The following TOP1 variants were observed in gnomAD, a reference collection of about 807,000 sequenced individuals.
TOP1 encodes DNA topoisomerase 1.
In TOP1, 10 loss-of-function variants were observed where a neutral mutation model predicts 111.1. That is an observed-to-expected ratio of 0.09 (90% CI 0.06 to 0.15). The LOEUF (loss-of-function observed/expected upper bound fraction) is 0.15, where lower values mean the gene tolerates loss of function less well. TOP1 is among the 10% of genes least tolerant of loss of function. TOP1 has a pLI of 1.00. For missense variants in TOP1, 474 were observed against 926.7 expected (o/e 0.51, Z 6.34); for synonymous variants, 271 against 302.9 (o/e 0.89, Z 1.10).
chr20:41,062,031 A>G (rs1182402020), intron 3 of TOP1, among the ~76,000 whole-genome samples: 2 of 152,340 alleles, frequency 1.3e-5, no homozygotes, highest in African/African-American at 4.8e-5. Context: ...AATCACCAAT[A>G]TGAATGAAAC....
intron 8 of TOP1, among the ~76,000 whole-genome samples, chr20:41,086,653 A>C (rs973963411): frequency 6.6e-6 from 1 of 152,204 alleles, no homozygotes; most frequent in Non-Finnish European, 1.5e-5. Context: ...TTTGTGGTTG[A>C]AATCCTTATC....
chr20:41,097,561 G>A lies in TOP1; in HGVS notation c.852+220G>A, dbSNP rs1416773799. On this transcript the variant is annotated intron_variant, in intron 10 of 20. Coordinates refer to ENST00000361337, the MANE Select transcript of TOP1 (RefSeq NM_003286.4). The surrounding 1 kb of genome is among the most constrained non-coding windows in gnomAD (Gnocchi z 4.2). ...TCTTTGCTATTGGCTCTCATGTGAT[G>A]GCAGGTAGGTGGGGGTTATCAGATT... Among the ~76,000 whole-genome samples the A allele has an allele frequency of 6.6e-6, 1 of 152,158 alleles. No individual in the cohort carries two copies. The highest frequency in any genetic ancestry group is 1.5e-5 in the Non-Finnish European group (1 of 68,026).
intron 2 of TOP1, among the ~76,000 whole-genome samples, chr20:41,051,385 C>A (rs986953751): frequency 6.6e-6 from 1 of 152,150 alleles, no homozygotes; most frequent in Non-Finnish European, 1.5e-5. Flanking sequence ...GACTCTTCTT[C>A]CTGCCCTGAT....
Position 41,118,918 on chromosome 20 carries a change from C to T in TOP1, c.1950+622C>T, listed in dbSNP as rs1375720146. ...CCTCCTAACTCCGCCTGGTACTGAG[C>T]TTTTAAACCATAAGGCACTTAACAT... On this transcript the variant is annotated intron_variant, in intron 18 of 20. Transcript: ENST00000361337. This position sits in a 1 kb window ranked among gnomAD's most constrained non-coding sequence, Gnocchi z 4.6. Among the ~76,000 whole-genome samples the T allele has an allele frequency of 6.6e-6, 1 of 152,172 alleles. No homozygotes were observed. Among genetic ancestry groups the T allele is most frequent in the Non-Finnish European group, 1.5e-5 (1 of 68,040 alleles).
rs745314633 is a variant in TOP1 at position 41,069,659 on chromosome 20, G to A, written c.156-6512G>A. On this transcript the variant is annotated intron_variant, in intron 3 of 20. Coordinates refer to ENST00000361337, the MANE Select transcript of TOP1 (RefSeq NM_003286.4). The surrounding 1 kb of genome is among the most constrained non-coding windows in gnomAD (Gnocchi z 4.1). ...AATGATGGTGATGATGATAATTACC[G>A]CAAAGCCTAGTATAATATCATGCAG... 3.3e-5 allele frequency among the ~76,000 whole-genome samples: 5 copies of A among 152,268 alleles called. No individual in the cohort carries two copies. The highest frequency in any genetic ancestry group is 3.4e-3 in the Middle Eastern group (1 of 294).
rs184112039 is a variant in TOP1 at position 41,070,123 on chromosome 20, A to G, written c.156-6048A>G. Among the ~76,000 whole-genome samples, 24 of 152,356 alleles carry G rather than the reference A, an allele frequency of 1.6e-4. 1 individual carries two copies. Among genetic ancestry groups the G allele is most frequent in the Admixed American group, 9.8e-4 (15 of 15,302 alleles). On this transcript the variant is annotated intron_variant, in intron 3 of 20. Coordinates refer to ENST00000361337, the MANE Select transcript of TOP1 (RefSeq NM_003286.4). ...TCTGAGCTGAGCAAGAAGCCACTGGAAATACTTGAGCAAAGTGGATATAAG... is the reference window on the plus strand; with the variant it reads ...TCTGAGCTGAGCAAGAAGCCACTGGGAATACTTGAGCAAAGTGGATATAAG...
At chr20:41,074,537 A>G (rs940515573) in intron 3 of TOP1, among the ~76,000 whole-genome samples, 1 of 151,304 alleles carries the variant, frequency 6.6e-6, no homozygotes, top group Non-Finnish European at 1.5e-5. Context: ...TTCCTAACCT[A>G]TAGTGTGTCC....
At chr20:41,039,573 T>C (rs2033234271) in intron 2 of TOP1, among the ~76,000 whole-genome samples, 2 of 152,332 alleles carry the variant, frequency 1.3e-5, no homozygotes, top group South Asian at 4.1e-4. Flanking sequence ...TTTCCTGTTA[T>C]CTTTTTGTAT....
In TOP1 at chr20:41,064,278, T is replaced by G. The variant is rs2033580935; in HGVS notation, c.155+2788T>G. Among the ~76,000 whole-genome samples the G allele has an allele frequency of 2.6e-5, 4 of 152,322 alleles. No homozygotes were observed. In the South Asian group the frequency reaches 8.3e-4, roughly 32 times the overall value. ...CTGTTCCATTTGGTCTATGTGTCTG[T>G]TTTTGTACCATTACCATGCTGTTAG... On this transcript the variant is annotated intron_variant, in intron 3 of 20. Transcript: ENST00000361337.
rs560395903 is a variant in TOP1 at position 41,097,156 on chromosome 20, C to A, written c.731-64C>A. ...CATTATTAAAGAGAATTCGCTAGCC[C>A]TGGGTATTTATGCTTAGAACATGAA... On this transcript the variant is annotated intron_variant, in intron 9 of 20. Coordinates refer to ENST00000361337, the MANE Select transcript of TOP1 (RefSeq NM_003286.4). This position sits in a 1 kb window ranked among gnomAD's most constrained non-coding sequence, Gnocchi z 4.2. 6.4e-7 allele frequency: 1 copy of A among 1,569,736 alleles called. No homozygotes were observed. Among genetic ancestry groups the A allele is most frequent in the South Asian group, 1.2e-5 (1 of 85,960 alleles).
Position 41,071,096 on chromosome 20 carries a change from A to G in TOP1, c.156-5075A>G, listed in dbSNP as rs1229963741. ...CCCATAGCCAACATTCTAGCTTTCC[A>G]GAATATCAGTATTTTGTTGTGGTAG... On this transcript the variant is annotated intron_variant, in intron 3 of 20. Transcript: ENST00000361337. The surrounding 1 kb of genome is among the most constrained non-coding windows in gnomAD (Gnocchi z 4.3). Among the ~76,000 whole-genome samples, 1 of 152,170 alleles carries G rather than the reference A, an allele frequency of 6.6e-6. No homozygotes were observed. The highest frequency in any genetic ancestry group is 6.5e-5 in the Admixed American group (1 of 15,282).
Position 41,061,252 on chromosome 20 carries a change from C to CTT in TOP1, c.59-134_59-133dup. ...CTTTGTCTGGGCTTCTTTGTGAAAGCTTTTTTTTTCAGTGGCATGTGCTAT... is the reference window on the plus strand; with the variant it reads ...CTTTGTCTGGGCTTCTTTGTGAAAGCTTTTTTTTTTTCAGTGGCATGTGCTAT... On this transcript the variant is annotated intron_variant, in intron 2 of 20. Coordinates refer to ENST00000361337, the MANE Select transcript of TOP1 (RefSeq NM_003286.4). The surrounding 1 kb of genome is among the most constrained non-coding windows in gnomAD (Gnocchi z 4.6). The CTT allele has an allele frequency of 4.3e-6, 3 of 696,882 alleles. No homozygotes were observed. Among genetic ancestry groups the CTT allele is most frequent in the South Asian group, 2.8e-5 (1 of 35,490 alleles). 43.2% of individuals were successfully genotyped at this position (696,882 alleles called of 1,614,324 possible).
At chr20:41,086,891 T>C (rs1390042514) in intron 8 of TOP1, among the ~76,000 whole-genome samples, 11 of 152,218 alleles carry the variant, frequency 7.2e-5, no homozygotes, top group African/African-American at 2.7e-4. Flanking sequence ...GTTGAAAATA[T>C]GAATGAAGAG....
rs1008016333 is a variant in TOP1, at chr20:41,116,019, C to T, written c.1708-259C>T. The stretch of plus-strand genomic sequence containing the variant: ...CCCGGGAGGTGGAGGCAGCAGTGAA[C>T]CGAGATTGTACCACTGCACTCCAGG... On this transcript the variant is annotated intron_variant, in intron 16 of 20. Coordinates refer to ENST00000361337, the MANE Select transcript of TOP1 (RefSeq NM_003286.4). The surrounding 1 kb of genome is among the most constrained non-coding windows in gnomAD (Gnocchi z 5.6). Among the ~76,000 whole-genome samples, 1 of 152,160 alleles carries T rather than the reference C, an allele frequency of 6.6e-6. No individual in the cohort carries two copies. Among genetic ancestry groups the T allele is most frequent in the Non-Finnish European group, 1.5e-5 (1 of 68,032 alleles).
chr20:41,107,558 T>G (rs2034166389), intron 13 of TOP1, among the ~76,000 whole-genome samples: 1 of 152,240 alleles, frequency 6.6e-6, no homozygotes, highest in African/African-American at 2.4e-5. Flanking sequence ...TCTAATTTTA[T>G]ATCTGATTTT....
intron 3 of TOP1, among the ~76,000 whole-genome samples, chr20:41,064,353 C>T (rs991528509): frequency 3.9e-5 from 6 of 152,146 alleles, no homozygotes; most frequent in African/African-American, 1.2e-4. Flanking sequence ...TTTAAGTGCA[C>T]ACGAAATGTG....
Position 41,101,127 on chromosome 20 carries a change from C to T in TOP1, c.1164-82C>T, listed in dbSNP as rs890003538. 26 of 1,471,072 alleles carry T rather than the reference C, an allele frequency of 1.8e-5. No individual in the cohort carries two copies. The East Asian group carries it at 5.4e-4, about 31-fold the overall frequency. 91.1% of individuals were successfully genotyped at this position (1,471,072 alleles called of 1,614,324 possible). On this transcript the variant is annotated intron_variant, in intron 12 of 20. Transcript: ENST00000361337. This position sits in a 1 kb window ranked among gnomAD's most constrained non-coding sequence, Gnocchi z 4.1. ...AGGAAACTTGGAAAATTATGCTCAG[C>T]AGATAGGTCCACTTGGGGTCATGAA...
chr20:41,117,532 G>C (rs2034352083), intron 17 of TOP1, among the ~76,000 whole-genome samples: 1 of 151,330 alleles, frequency 6.6e-6, no homozygotes, highest in African/African-American at 2.4e-5. Context: ...GACTACAGGT[G>C]CCCGCCATGT....
rs1294649099 is a variant in TOP1 at position 41,094,044 on chromosome 20, C to A, written c.730+1457C>A. ...CTCCAGCCTGTGTGACAGAGTGAGA[C>A]CCTGTCTCAAAAAATAAAATAATAA... On this transcript the variant is annotated intron_variant, in intron 9 of 20. Coordinates refer to ENST00000361337, the MANE Select transcript of TOP1 (RefSeq NM_003286.4). This position sits in a 1 kb window ranked among gnomAD's most constrained non-coding sequence, Gnocchi z 4.4. Among the ~76,000 whole-genome samples, 1 of 151,896 alleles carries A rather than the reference C, an allele frequency of 6.6e-6. No individual in the cohort carries two copies. The highest frequency in any genetic ancestry group is 2.4e-5 in the African/African-American group (1 of 41,300).
Sources: allele counts gnomAD v4.1 joint callset (sites outside exome capture counted in the v4.1 genomes callset), GRCh38; gene constraint gnomAD v4.1.1; non-coding constraint Gnocchi (gnomAD v3.1); transcripts MANE v1.5; gene names NCBI Gene and HGNC (gene_info 2026-07-23, HGNC 2026-07-21).